The following SLC39A14 variants were observed in gnomAD, a reference collection of about 807,000 sequenced individuals.
SLC39A14 encodes solute carrier family 39 member 14, also known as metal cation symporter ZIP14.
SLC39A14 carries 19 observed loss-of-function variants against 45.5 expected under a neutral mutation model. That is an observed-to-expected ratio of 0.42 (90% CI 0.29 to 0.61). The LOEUF is 0.61. Among genes scored for constraint, SLC39A14 ranks in the 20% least tolerant of loss-of-function variants. The probability of loss-of-function intolerance (pLI) is 0.22; values close to 1 mark genes in which losing one functional copy is unlikely to be tolerated. For synonymous variants in SLC39A14, 264 were observed against 251.3 expected, an observed-to-expected ratio of 1.05 and a Z score of -0.48; for missense variants, 447 against 616.5, an observed-to-expected ratio of 0.73 and a Z score of 2.91.
intron 2 of SLC39A14, among the ~76,000 whole-genome samples, chr8:22,407,345 C>G (rs1400353984): frequency 6.6e-6 from 1 of 152,178 alleles, no homozygotes; most frequent in Non-Finnish European, 1.5e-5. Context: ...GGCACACACA[C>G]AGAATGGTGT....
At chr8:22,404,116 A>G (rs11987482) in intron 1 of SLC39A14, among the ~76,000 whole-genome samples, 43,032 of 151,860 alleles carry the variant, frequency 0.28, 7,800 homozygotes, top group African/African-American at 0.53. Flanking sequence ...CAGTACCTCT[A>G]AAACGACTTC....
chr8:22,408,591 C>A, intron 3 of SLC39A14, 95 bp downstream of exon 3: 1 of 1,165,726 alleles, frequency 8.6e-7, no homozygotes, highest in Non-Finnish European at 1.2e-6. Flanking sequence ...TCACTGAATG[C>A]CTCACCAGTG....
intron 1 of SLC39A14, among the ~76,000 whole-genome samples, chr8:22,397,484 G>A (rs891220150): frequency 1.3e-5 from 2 of 152,190 alleles, no homozygotes; most frequent in South Asian, 2.1e-4. Context: ...AGGCTGAGGC[G>A]GGAGAATGGC....
At chr8:22,423,248 A>T (rs180762808), downstream of SLC39A14, among the ~76,000 whole-genome samples, 424 of 152,026 alleles carry the variant, frequency 2.8e-3, 12 homozygotes, top group South Asian at 0.057. Flanking sequence ...GGTTCAAGCG[A>T]TTCTCATGCC....
intron 5 of SLC39A14, chr8:22,415,303 G>C: frequency 4.8e-6 from 1 of 210,204 alleles, no homozygotes; most frequent in Admixed American, 5.8e-5. Flanking sequence ...CTGGCATGCA[G>C]TTATTCCCTA....
At position 22,391,322 on chromosome 8, in the gene SLC39A14, C is replaced by G. The variant is rs183048367; in HGVS notation, c.-15-13374C>G. ...CCAATACCTAGCATGACTTCTGGCA[C>G]ATAATTGGTAAGCAGTGAGTATTTG... On this transcript the variant is annotated intron_variant, in intron 1 of 8. Coordinates refer to ENST00000381237, the MANE Select transcript of SLC39A14 (RefSeq NM_001128431.4). Among the ~76,000 whole-genome samples, 21 of 152,300 alleles carry G rather than the reference C, an allele frequency of 1.4e-4. No homozygotes were observed. The East Asian group carries it at 3.7e-3, about 27-fold the overall frequency.
intron 1 of SLC39A14, among the ~76,000 whole-genome samples, chr8:22,383,398 C>G (rs1191295529): frequency 6.6e-6 from 1 of 152,174 alleles, no homozygotes; most frequent in East Asian, 1.9e-4. Flanking sequence ...AGGGACAGAC[C>G]TGGACCAGCT....
intron 4 of SLC39A14, among the ~76,000 whole-genome samples, chr8:22,412,710 G>A (rs2132345201): frequency 6.6e-6 from 1 of 152,326 alleles, no homozygotes; most frequent in African/African-American, 2.4e-5. Flanking sequence ...TTGGGAGGCT[G>A]AGGCAGGTGG....
chr8:22,406,267 A>C (rs955225520), intron 2 of SLC39A14, among the ~76,000 whole-genome samples: 1 of 151,794 alleles, frequency 6.6e-6, no homozygotes, highest in South Asian at 2.1e-4. Context: ...TGGCCAACAC[A>C]GTGAAACCCC....
chr8:22,394,483 C>A (rs968067449), intron 1 of SLC39A14, among the ~76,000 whole-genome samples: 4 of 151,814 alleles, frequency 2.6e-5, no homozygotes, highest in African/African-American at 9.7e-5. Flanking sequence ...CCACGCCCGG[C>A]TAATTTTTTG....
Position 22,416,213 on chromosome 8 carries a change from T to C in SLC39A14, c.1080T>C (p.Thr360=), listed in dbSNP as rs2132360804. Residue 360 remains threonine, a synonymous_variant, in exon 7 of 9, where the codon ACT becomes ACC. Transcript: ENST00000381237. ...IDGLAIGASF[T]VSVFQGISTS... Reference sequence around the variant, plus strand: ...GCCTGGCCATCGGTGCTTCCTTCACTGTGTCAGTTTTCCAAGGCATCAGCA... The same window carrying C: ...GCCTGGCCATCGGTGCTTCCTTCACCGTGTCAGTTTTCCAAGGCATCAGCA... 6.2e-7 allele frequency: 1 copy of C among 1,613,746 alleles called. No homozygotes were observed. The highest frequency in any genetic ancestry group is 1.7e-5 in the Admixed American group (1 of 60,002).
At chr8:22,417,580 A>T in intron 7 of SLC39A14, 71 bp from the exon 8 acceptor site, 1 of 1,285,854 alleles carries the variant, frequency 7.8e-7, no homozygotes, top group Non-Finnish European at 1.1e-6. Context: ...CTGGGATGAC[A>T]GGTGTGCATT....
At chr8:22,410,242 C>T (rs1387873670) in intron 3 of SLC39A14, 37 of 943,562 alleles carry the variant, frequency 3.9e-5, no homozygotes, top group East Asian at 5.1e-5. Flanking sequence ...ACCTGTCCCT[C>T]GTATCAAAGC....
At chr8:22,380,105 A>G (rs1353497638) in intron 1 of SLC39A14, among the ~76,000 whole-genome samples, 6 of 152,208 alleles carry the variant, frequency 3.9e-5, no homozygotes, top group Non-Finnish European at 8.8e-5. Context: ...CGTAGGTTAT[A>G]TGCAAATACT....
chr8:22,399,932 T>C (rs1834758053), intron 1 of SLC39A14, among the ~76,000 whole-genome samples: 1 of 152,218 alleles, frequency 6.6e-6, no homozygotes, highest in Non-Finnish European at 1.5e-5. Context: ...GGGGAACATC[T>C]GTTGGTTTAT....
At chr8:22,426,652 GT>G (rs1563637911), downstream of SLC39A14, among the ~76,000 whole-genome samples, 1 of 152,066 alleles carries the variant, frequency 6.6e-6, no homozygotes, top group African/African-American at 2.4e-5. Flanking sequence ...TGAACAAGGA[GT>G]TTTTTTGATG....
chr8:22,369,234 A>C (rs147227185), intron 1 of SLC39A14, among the ~76,000 whole-genome samples: 36 of 152,256 alleles, frequency 2.4e-4, no homozygotes, highest in African/African-American at 7.0e-4. Flanking sequence ...GTTCTTGCTT[A>C]ATTTATCATA....
At chr8:22,388,911 C>CT (rs1833923455) in intron 1 of SLC39A14, among the ~76,000 whole-genome samples, 1 of 152,112 alleles carries the variant, frequency 6.6e-6, no homozygotes, top group Admixed American at 6.5e-5. Context: ...GAGAATGGGG[C>CT]TTTTTTATTA....
At chr8:22,417,964 A>G in intron 8 of SLC39A14, 129 bp downstream of exon 8, 2 of 772,190 alleles carry the variant, frequency 2.6e-6, no homozygotes, top group Non-Finnish European at 3.9e-6. Context: ...GTGCAGTGGC[A>G]TGATCTCAGC....
Sources: gnomAD v4.1 joint callset for allele counts (sites outside exome capture counted in the v4.1 genomes callset) on GRCh38, gnomAD v4.1.1 for gene constraint, MANE v1.5 for transcripts, NCBI Gene and HGNC (gene_info 2026-07-23, HGNC 2026-07-21) for gene names.